Variants in OXR1 observed in about 807,000 individuals in gnomAD.
OXR1 encodes oxidation resistance protein 1.
In OXR1, 41 loss-of-function variants were observed where a neutral mutation model predicts 104.6. The ratio of observed to expected loss-of-function variants is 0.39; its 90% CI spans 0.31 to 0.51. The LOEUF is 0.51. Ranked by LOEUF, OXR1 falls within the 20% of genes least tolerant of loss-of-function variation. The pLI is 0.77. For missense variants in OXR1, 955 were observed against 1,031.9 expected, an observed-to-expected ratio of 0.93 and a Z score of 1.02; for synonymous variants, 348 against 348.4, an observed-to-expected ratio of 1.00 and a Z score of 0.01.
chr8:106,440,500 T>G (rs538575826), intron 2 of OXR1, among the ~76,000 whole-genome samples: 1 of 152,254 alleles, frequency 6.6e-6, no homozygotes, highest in African/African-American at 2.4e-5. Context: ...GAAAAGATAC[T>G]TCCATTCCTT....
chr8:106,410,294 G>T (rs553069385), intron 2 of OXR1, among the ~76,000 whole-genome samples: 6 of 152,252 alleles, frequency 3.9e-5, no homozygotes, highest in African/African-American at 1.2e-4. Flanking sequence ...CCAAGCAAAA[G>T]AATTAAATGA....
intron 3 of OXR1, among the ~76,000 whole-genome samples, chr8:106,626,600 T>A (rs1822186321): frequency 6.9e-6 from 1 of 144,922 alleles, no homozygotes; most frequent in Non-Finnish European, 1.5e-5. Flanking sequence ...TAGGTTTTTT[T>A]TTTTTTTAAC....
At chr8:106,733,407 A>G (rs757700834) in intron 11 of OXR1, among the ~76,000 whole-genome samples, 1 of 152,088 alleles carries the variant, frequency 6.6e-6, no homozygotes, top group African/African-American at 2.4e-5. Context: ...GACCTTCTGA[A>G]AGATTACAAA....
At chr8:106,733,755 G>A (rs1281062562) in intron 11 of OXR1, among the ~76,000 whole-genome samples, 1 of 149,530 alleles carries the variant, frequency 6.7e-6, no homozygotes, top group Non-Finnish European at 1.5e-5. Flanking sequence ...GAACCCAGGA[G>A]GCAGAGATTG....
At chr8:106,430,915 C>G (rs1002408380) in intron 2 of OXR1, among the ~76,000 whole-genome samples, 1 of 152,174 alleles carries the variant, frequency 6.6e-6, no homozygotes, top group Non-Finnish European at 1.5e-5. Flanking sequence ...GATGTAAGGT[C>G]TAACTCTTCT....
chr8:106,553,307 A>T (rs1418913082), intron 3 of OXR1, among the ~76,000 whole-genome samples: 1 of 143,574 alleles, frequency 7.0e-6, no homozygotes, highest in Non-Finnish European at 1.5e-5. Flanking sequence ...TAAACTTTTC[A>T]TGCAATTTTC....
intron 1 of OXR1, among the ~76,000 whole-genome samples, chr8:106,313,029 G>A (rs1261442918): frequency 3.9e-5 from 6 of 152,080 alleles, no homozygotes; most frequent in African/African-American, 1.4e-4. Flanking sequence ...ATTATAAGGA[G>A]CATCAGAGAT....
At chr8:106,698,641 T>C (rs1011029387) in intron 7 of OXR1, among the ~76,000 whole-genome samples, 1 of 152,192 alleles carries the variant, frequency 6.6e-6, no homozygotes, top group Non-Finnish European at 1.5e-5. Flanking sequence ...ACCAATTTTT[T>C]TTCTGCCATG....
chr8:106,445,802 C>CTACTCCTCT (rs1249668806), intron 2 of OXR1, among the ~76,000 whole-genome samples: 1 of 152,158 alleles, frequency 6.6e-6, no homozygotes, highest in African/African-American at 2.4e-5. Context: ...TCATATCTTC[C>CTACTCCTCT]TACTCCTCTT....
intron 11 of OXR1, among the ~76,000 whole-genome samples, chr8:106,727,584 A>AT (rs1184866131): frequency 6.6e-6 from 1 of 151,750 alleles, no homozygotes; most frequent in East Asian, 1.9e-4. Flanking sequence ...CAGCCCGCTA[A>AT]TTTTTTTGTA....
At chr8:106,278,172 C>G (rs1812135139) in intron 1 of OXR1, among the ~76,000 whole-genome samples, 1 of 152,142 alleles carries the variant, frequency 6.6e-6, no homozygotes, top group South Asian at 2.1e-4. Context: ...TAGCTCTCTT[C>G]CTTCAATCTA....
At chr8:106,314,865 A>G (rs1190561479) in intron 1 of OXR1, among the ~76,000 whole-genome samples, 1 of 152,236 alleles carries the variant, frequency 6.6e-6, no homozygotes, top group Non-Finnish European at 1.5e-5. Context: ...ATGATGATGT[A>G]TATTAGAGCA....
At chr8:106,595,347 C>T (rs989067615) in intron 3 of OXR1, among the ~76,000 whole-genome samples, 3 of 151,850 alleles carry the variant, frequency 2.0e-5, no homozygotes, top group African/African-American at 7.3e-5. Flanking sequence ...GTCAGGAGTT[C>T]GAGACAAGCC....
rs527326984 is a variant in OXR1 at position 106,612,122 on chromosome 8, G to T, written c.221-67088G>T. Among the ~76,000 whole-genome samples, 6 of 150,028 alleles carry T rather than the reference G, an allele frequency of 4.0e-5. No individual in the cohort carries two copies. The East Asian group carries it at 1.2e-3, about 29-fold the overall frequency. ...CAGTTTTTTTTTGTATTTGAGCTTT[G>T]CTTTTTCCCTTTTCTCATGTTCATA... On this transcript the variant is annotated intron_variant, in intron 3 of 16. Coordinates refer to ENST00000517566, the MANE Select transcript of OXR1 (RefSeq NM_001198533.2).
chr8:106,704,322 G>C (rs1336950802), intron 8 of OXR1, among the ~76,000 whole-genome samples: 1 of 150,634 alleles, frequency 6.6e-6, no homozygotes, highest in Non-Finnish European at 1.5e-5. Context: ...TGGAGAGAGA[G>C]AGAGAGAGAG....
intron 3 of OXR1, among the ~76,000 whole-genome samples, chr8:106,529,574 T>A (rs1813941451): frequency 6.6e-6 from 1 of 152,208 alleles, no homozygotes; most frequent in Non-Finnish European, 1.5e-5. Flanking sequence ...TAAATAAGCT[T>A]GCCAACTCTA....
intron 3 of OXR1, among the ~76,000 whole-genome samples, chr8:106,577,350 A>ACAGGCGC (rs1371580637): frequency 2.9e-5 from 4 of 139,162 alleles, no homozygotes; most frequent in Admixed American, 7.4e-5. Context: ...AGCTGGGATT[A>ACAGGCGC]CAGGCGCCCG....
intron 3 of OXR1, among the ~76,000 whole-genome samples, chr8:106,554,354 A>G (rs1193016927): frequency 1.3e-5 from 2 of 152,208 alleles, no homozygotes; most frequent in African/African-American, 4.8e-5. Context: ...TTTTTCCGCA[A>G]GGGATTTTTC....
chr8:106,393,758 A>G (rs1309918063), intron 2 of OXR1, among the ~76,000 whole-genome samples: 1 of 152,026 alleles, frequency 6.6e-6, no homozygotes, highest in Non-Finnish European at 1.5e-5. Flanking sequence ...AGTAAATTTT[A>G]TGTACATATT....
Sources: allele counts gnomAD v4.1 joint callset (sites outside exome capture counted in the v4.1 genomes callset), GRCh38; gene constraint gnomAD v4.1.1; transcripts MANE v1.5; gene names NCBI Gene and HGNC (gene_info 2026-07-23, HGNC 2026-07-21).